Variants in BMPR1B observed in about 807,000 individuals in gnomAD.
BMPR1B encodes the protein bone morphogenetic protein receptor type 1B.
A neutral mutation model predicts 59.1 loss-of-function variants in BMPR1B; 12 were observed. The ratio of observed to expected loss-of-function variants is 0.20; its 90% CI spans 0.13 to 0.33. BMPR1B has a LOEUF of 0.33. Ranked by LOEUF, BMPR1B falls within the 10% of genes least tolerant of loss-of-function variation. The pLI is 1.00. For missense variants in BMPR1B, 550 were observed against 610.9 expected (o/e 0.90, Z 1.05); for synonymous variants, 237 against 207.3 (o/e 1.14, Z -1.23).
intron 2 of BMPR1B, among the ~76,000 whole-genome samples, chr4:94,931,878 C>T (rs1729106516): frequency 6.6e-6 from 1 of 151,930 alleles, no homozygotes; most frequent in Non-Finnish European, 1.5e-5. Context: ...ACCTGTGAAC[C>T]AGGGCCTGAC....
chr4:94,767,362 G>T (rs1001124445), intron 1 of BMPR1B, among the ~76,000 whole-genome samples: 2 of 152,048 alleles, frequency 1.3e-5, no homozygotes, highest in Non-Finnish European at 2.9e-5. Flanking sequence ...ATAATTTTGA[G>T]TAGGAATTAA....
intron 1 of BMPR1B, among the ~76,000 whole-genome samples, chr4:94,767,107 A>AC (rs1401775976): frequency 5.3e-5 from 8 of 152,080 alleles, no homozygotes; most frequent in Non-Finnish European, 1.0e-4. Flanking sequence ...AGAACCCACG[A>AC]CCAGGCTGTT....
At chr4:95,044,574 T>C (rs1725897155) in intron 3 of BMPR1B, among the ~76,000 whole-genome samples, 1 of 152,186 alleles carries the variant, frequency 6.6e-6, no homozygotes, top group Non-Finnish European at 1.5e-5. Context: ...TTTTTCTCTC[T>C]TTTTACCCCT....
At chr4:95,110,532 T>G (rs2149272661) in intron 4 of BMPR1B, among the ~76,000 whole-genome samples, 1 of 152,228 alleles carries the variant, frequency 6.6e-6, no homozygotes, top group Middle Eastern at 3.4e-3. Flanking sequence ...GACTCATATG[T>G]ATTTCACGCT....
At chr4:94,924,217 G>C (rs558182552) in intron 2 of BMPR1B, among the ~76,000 whole-genome samples, 1 of 152,056 alleles carries the variant, frequency 6.6e-6, no homozygotes, top group African/African-American at 2.4e-5. Context: ...CTATTCTATT[G>C]GCTGAATTAT....
chr4:94,979,723 G>A (rs2149086021), intron 2 of BMPR1B, among the ~76,000 whole-genome samples: 1 of 152,292 alleles, frequency 6.6e-6, no homozygotes, highest in Admixed American at 6.5e-5. Flanking sequence ...TCATAAAAAT[G>A]AATAGTGAAA....
chr4:94,851,764 C>T (rs144958619), intron 1 of BMPR1B, among the ~76,000 whole-genome samples: 12 of 152,072 alleles, frequency 7.9e-5, no homozygotes, highest in East Asian at 1.9e-4. Context: ...CATTATAAAG[C>T]GTATAGGTTA....
intron 10 of BMPR1B, among the ~76,000 whole-genome samples, chr4:95,144,490 T>TAAA (rs1210564583): frequency 3.6e-4 from 54 of 148,978 alleles, no homozygotes; most frequent in African/African-American, 1.2e-3. Flanking sequence ...TTTTTTTTTT[T>TAAA]AAAAAAAATA....
At chr4:94,880,785 G>A (rs759696369) in intron 2 of BMPR1B, among the ~76,000 whole-genome samples, 62 of 151,766 alleles carry the variant, frequency 4.1e-4, no homozygotes, top group Non-Finnish European at 6.9e-4. Flanking sequence ...TTACAGGCGT[G>A]CCACCATGCC....
At chr4:94,802,370 G>T (rs867559245) in intron 1 of BMPR1B, among the ~76,000 whole-genome samples, 5 of 152,126 alleles carry the variant, frequency 3.3e-5, no homozygotes, top group Admixed American at 6.6e-5. Context: ...CTGCCTCTGG[G>T]AAACTCCTCA....
chr4:94,950,667 A>G (rs1005099569), intron 2 of BMPR1B, among the ~76,000 whole-genome samples: 2 of 152,182 alleles, frequency 1.3e-5, no homozygotes, highest in Non-Finnish European at 2.9e-5. Context: ...TTTTGGCACC[A>G]GTACCATGCT....
At position 95,076,799 on chromosome 4, in the gene BMPR1B, A is replaced by G. The variant is rs567473428; in HGVS notation, c.-17-27609A>G. Among the ~76,000 whole-genome samples, 3 of 152,188 alleles carry G rather than the reference A, an allele frequency of 2.0e-5. No homozygotes were observed. In the South Asian group the frequency reaches 6.2e-4, roughly 32 times the overall value. Reference sequence around the variant, plus strand: ...GTGGAAACGTTAAAAAAGAAACACAATCAGAATTATAAGCAAAAACATGGG... The same window carrying G: ...GTGGAAACGTTAAAAAAGAAACACAGTCAGAATTATAAGCAAAAACATGGG... On this transcript the variant is annotated intron_variant, in intron 3 of 12. Transcript: ENST00000515059.
At chr4:95,086,677 A>G (rs896379721) in intron 3 of BMPR1B, among the ~76,000 whole-genome samples, 15 of 152,292 alleles carry the variant, frequency 9.8e-5, no homozygotes, top group Admixed American at 9.2e-4. Flanking sequence ...AGATCTAATG[A>G]GATTTGGGAT....
At chr4:94,898,989 G>A (rs1242254792) in intron 2 of BMPR1B, among the ~76,000 whole-genome samples, 2 of 152,104 alleles carry the variant, frequency 1.3e-5, no homozygotes, top group East Asian at 1.9e-4. Flanking sequence ...GTCCAAAATC[G>A]TTGTCCCTGA....
rs78004538 is a variant in BMPR1B, at chr4:94,917,594, A to G, written c.-113+41694A>G. 7.4e-3 allele frequency among the ~76,000 whole-genome samples: 1,123 copies of G among 152,190 alleles called. 17 individuals carry two copies. The highest frequency in any genetic ancestry group is 0.026 in the African/African-American group (1,076 of 41,530). On this transcript the variant is annotated intron_variant, in intron 2 of 12. Coordinates refer to ENST00000515059, the MANE Select transcript of BMPR1B (RefSeq NM_001203.3). ...TCTCCCCTTTAGAATGGTAGTGTTT[A>G]CTCAATGCCTGTATCCCCATATTAT... is the stretch of plus-strand genomic sequence containing the variant.
At chr4:94,983,108 C>T (rs958769911) in intron 2 of BMPR1B, among the ~76,000 whole-genome samples, 7 of 152,112 alleles carry the variant, frequency 4.6e-5, no homozygotes, top group Admixed American at 6.5e-5. Context: ...CAGGTCTTTA[C>T]GTGGCTGGCT....
chr4:94,813,082 A>T (rs1456866646), intron 1 of BMPR1B, among the ~76,000 whole-genome samples: 1 of 152,080 alleles, frequency 6.6e-6, no homozygotes, highest in South Asian at 2.1e-4. Context: ...AATTAAGCAA[A>T]TATTTACAGA....
chr4:95,070,382 G>A (rs141428739), intron 3 of BMPR1B, among the ~76,000 whole-genome samples: 36 of 152,262 alleles, frequency 2.4e-4, no homozygotes, highest in African/African-American at 8.7e-4. Context: ...AGAAGACTCA[G>A]GTTTTTCACT....
intron 3 of BMPR1B, among the ~76,000 whole-genome samples, chr4:95,028,719 T>C (rs939381898): frequency 4.6e-5 from 7 of 152,152 alleles, no homozygotes; most frequent in Non-Finnish European, 8.8e-5. Flanking sequence ...TTGTGGTAGA[T>C]GTATGCCTCT....
Sources: allele counts gnomAD v4.1 joint callset (sites outside exome capture counted in the v4.1 genomes callset), GRCh38; gene constraint gnomAD v4.1.1; transcripts MANE v1.5; gene names NCBI Gene and HGNC (gene_info 2026-07-23, HGNC 2026-07-21).